PHC2: variants seen among roughly 807,000 people sequenced by gnomAD.
PHC2 encodes polyhomeotic-like protein 2.
In PHC2, 29 loss-of-function variants were observed where a neutral mutation model predicts 87.4. The observed-to-expected ratio is 0.33, with a 90% CI of 0.25 to 0.45. The LOEUF (loss-of-function observed/expected upper bound fraction) is 0.45. PHC2 is among the 20% of genes least tolerant of loss of function. PHC2 has a pLI of 1.00. For missense variants in PHC2, 857 were observed against 1,136.7 expected (o/e 0.75, Z 3.54); for synonymous variants, 438 against 461.7 (o/e 0.95, Z 0.66).
intron 1 of PHC2, among the ~76,000 whole-genome samples, chr1:33,423,912 C>T (rs777102244): frequency 9.9e-5 from 15 of 152,196 alleles, no homozygotes; most frequent in South Asian, 4.1e-4. Context: ...CCCTGGACAA[C>T]GTGGTGAAAC....
intron 1 of PHC2, among the ~76,000 whole-genome samples, chr1:33,389,933 C>T (rs1236222523): frequency 6.6e-6 from 1 of 152,184 alleles, no homozygotes; most frequent in Non-Finnish European, 1.5e-5. Context: ...CATAACTCTA[C>T]CCTACTTCTT....
At chr1:33,424,096 TCAAAAAAAAAAAAAA>T (rs1650568035) in intron 1 of PHC2, among the ~76,000 whole-genome samples, 2 of 79,418 alleles carry the variant, frequency 2.5e-5, no homozygotes, top group African/African-American at 7.8e-5. Flanking sequence ...AGACTCCGTC[TCAAAAAAAAAAAAAA>T]CAAAAAAAAC....
At chr1:33,410,336 A>G (rs895413638) in intron 1 of PHC2, among the ~76,000 whole-genome samples, 1 of 152,210 alleles carries the variant, frequency 6.6e-6, no homozygotes, top group African/African-American at 2.4e-5. Context: ...CATGTGCAGG[A>G]GAAGCCAGAG....
intron 1 of PHC2, among the ~76,000 whole-genome samples, chr1:33,418,117 G>A (rs1303061764): frequency 6.6e-6 from 1 of 152,090 alleles, no homozygotes; most frequent in Non-Finnish European, 1.5e-5. Context: ...AAACACTAGT[G>A]TTAGAGAAGA....
chr1:33,365,833 G>T (rs1248710771), intron 7 of PHC2, among the ~76,000 whole-genome samples: 2 of 151,676 alleles, frequency 1.3e-5, no homozygotes, highest in East Asian at 3.9e-4. Context: ...AGTGCCATGT[G>T]CGCTGCTTTG....
intron 1 of PHC2, among the ~76,000 whole-genome samples, chr1:33,399,378 C>T (rs1161165336): frequency 6.6e-6 from 1 of 152,144 alleles, no homozygotes; most frequent in Non-Finnish European, 1.5e-5. Context: ...ATTATCACTG[C>T]CCCCATTTGG....
In PHC2 at chr1:33,371,001, C is replaced by G. The variant is rs1489835536; in HGVS notation, c.411+16G>C. Reference sequence around the variant, plus strand: ...TGGGGCTGTGGACTCTGCTGCTGCTCCCCCATTCTACTCACCGAAGATGAC... The same window carrying G: ...TGGGGCTGTGGACTCTGCTGCTGCTGCCCCATTCTACTCACCGAAGATGAC... On this transcript the variant is annotated intron_variant, in intron 4 of 14. Coordinates refer to ENST00000683057, the MANE Select transcript of PHC2 (RefSeq NM_001385109.1). 3 of 1,608,616 alleles carry G rather than the reference C, an allele frequency of 1.9e-6. No individual in the cohort carries two copies. Among genetic ancestry groups the G allele is most frequent in the Non-Finnish European group, 2.6e-6 (3 of 1,175,100 alleles).
intron 1 of PHC2, among the ~76,000 whole-genome samples, chr1:33,397,707 C>T (rs892833277): frequency 6.6e-6 from 1 of 152,044 alleles, no homozygotes; most frequent in Non-Finnish European, 1.5e-5. Context: ...GGTACATCCA[C>T]CATGCACTTT....
chr1:33,334,389 T>C lies in PHC2; in HGVS notation c.1559-97A>G. The C allele has an allele frequency of 9.1e-7, 1 of 1,095,652 alleles. No individual in the cohort carries two copies. Among genetic ancestry groups the C allele is most frequent in the South Asian group, 1.4e-5 (1 of 73,068 alleles). 67.9% of individuals were successfully genotyped at this position (1,095,652 alleles called of 1,614,324 possible). On this transcript the variant is annotated intron_variant, in intron 9 of 14. Transcript: ENST00000683057. The surrounding 1 kb of genome is among the most constrained non-coding windows in gnomAD (Gnocchi z 5.5). ...AAGGACTCAAACTGCGCCCGGCTTT[T>C]ACCGTGGGGCCAAGCGACAATGCAA...
intron 8 of PHC2, 68 bp downstream of exon 8, chr1:33,354,770 G>A: frequency 6.5e-7 from 1 of 1,529,798 alleles, no homozygotes; most frequent in Non-Finnish European, 8.9e-7. Flanking sequence ...CCTCTTGACG[G>A]GGCTGTGGGG....
Position 33,367,123 on chromosome 1 carries a change from A to T in PHC2, c.969T>A (p.Ile323=), listed in dbSNP as rs749476834. The change falls in exon 7 of 15, where the codon ATT becomes ATA. Residue 323 remains isoleucine (I), a synonymous_variant. Transcript: ENST00000683057. ...GCTTCCTGAAGACCTTACCTGGTGCAATGAGGGGGTGGGCAGCCACAGCAG... is the reference window on the plus strand; with the variant it reads ...GCTTCCTGAAGACCTTACCTGGTGCTATGAGGGGGTGGGCAGCCACAGCAG... ...TVPAVAAHPL[I]APAYAQLQPH... The T allele has an allele frequency of 5.0e-6, 8 of 1,604,104 alleles. No individual in the cohort carries two copies. Among genetic ancestry groups the T allele is most frequent in the Non-Finnish European group, 6.8e-6 (8 of 1,172,992 alleles).
At chr1:33,376,576 C>T (rs962941358) in intron 1 of PHC2, among the ~76,000 whole-genome samples, 1 of 152,188 alleles carries the variant, frequency 6.6e-6, no homozygotes, top group African/African-American at 2.4e-5. Flanking sequence ...CACTGAACAT[C>T]AGAGAATTTA....
intron 9 of PHC2, among the ~76,000 whole-genome samples, chr1:33,339,686 A>G (rs983395495): frequency 8.5e-5 from 13 of 152,222 alleles, no homozygotes; most frequent in Non-Finnish European, 1.3e-4. Flanking sequence ...CCAGTTATGC[A>G]CAATTGGGCC....
Position 33,349,763 on chromosome 1 carries a change from C to A in PHC2, c.1558+4638G>T. On this transcript the variant is annotated intron_variant, in intron 9 of 14. Coordinates refer to ENST00000683057, the MANE Select transcript of PHC2 (RefSeq NM_001385109.1). This position sits in a 1 kb window ranked among gnomAD's most constrained non-coding sequence, Gnocchi z 4.2. ...GCGCATCCGACCGCACCGGCCTGGC[C>A]GGCGTCAACAAAGGGCGGCCGGGGC... 2.0e-6 allele frequency: 2 copies of A among 981,154 alleles called. No homozygotes were observed. Among genetic ancestry groups the A allele is most frequent in the Non-Finnish European group, 2.4e-6 (2 of 828,400 alleles). 60.8% of individuals were successfully genotyped at this position (981,154 alleles called of 1,614,324 possible).
chr1:33,429,429 C>T (rs1431263547), intron 1 of PHC2, among the ~76,000 whole-genome samples: 3 of 152,332 alleles, frequency 2.0e-5, no homozygotes, highest in South Asian at 2.1e-4. Flanking sequence ...TGGCTGCATT[C>T]GCTGTTCCCC....
At chr1:33,430,087 G>A (rs1650839555) in intron 1 of PHC2, among the ~76,000 whole-genome samples, 1 of 152,092 alleles carries the variant, frequency 6.6e-6, no homozygotes, top group East Asian at 1.9e-4. Context: ...TTGGGGGAGG[G>A]GGATAATTAC....
chr1:33,338,420 T>A (rs903070419), intron 9 of PHC2, among the ~76,000 whole-genome samples: 2 of 151,494 alleles, frequency 1.3e-5, no homozygotes, highest in African/African-American at 4.9e-5. Flanking sequence ...GATGGGAGAG[T>A]GTTTTATGAA....
At chr1:33,399,966 A>G (rs1649453359) in intron 1 of PHC2, among the ~76,000 whole-genome samples, 1 of 152,150 alleles carries the variant, frequency 6.6e-6, no homozygotes, top group South Asian at 2.1e-4. Flanking sequence ...AGAAATCAGT[A>G]AGAGAGAGAT....
chr1:33,366,268 CTATT>C (rs1647443704), intron 7 of PHC2, among the ~76,000 whole-genome samples: 1 of 152,198 alleles, frequency 6.6e-6, no homozygotes, highest in Admixed American at 6.5e-5. Flanking sequence ...CTTCGCCACT[CTATT>C]TATTTCTATG....
Sources: gnomAD v4.1 joint callset for allele counts (sites outside exome capture counted in the v4.1 genomes callset) on GRCh38, gnomAD v4.1.1 for gene constraint, Gnocchi (gnomAD v3.1) non-coding constraint, MANE v1.5 for transcripts, NCBI Gene and HGNC (gene_info 2026-07-23, HGNC 2026-07-21) for gene names.